Variants in TMTC2 observed in about 807,000 individuals in gnomAD.
TMTC2 encodes the protein protein O-mannosyl-transferase TMTC2.
In TMTC2, 43 loss-of-function variants were observed where a neutral mutation model predicts 82.4. That is an observed-to-expected ratio of 0.52 (90% CI 0.41 to 0.67). The LOEUF (loss-of-function observed/expected upper bound fraction) is 0.67. TMTC2 is among the 30% of genes least tolerant of loss of function. The pLI is 0.00. For missense variants in TMTC2, 919 were observed against 1,012.4 expected (o/e 0.91, Z 1.25); for synonymous variants, 408 against 381.9 (o/e 1.07, Z -0.80).
chr12:82,774,449 T>C (rs1387092331), intron 1 of TMTC2, among the ~76,000 whole-genome samples: 5 of 151,864 alleles, frequency 3.3e-5, no homozygotes, highest in Non-Finnish European at 7.4e-5. Context: ...GGTGAAACCC[T>C]GTATCTACCA....
intron 1 of TMTC2, among the ~76,000 whole-genome samples, chr12:82,729,944 A>C (rs1874688022): frequency 6.6e-6 from 1 of 152,168 alleles, no homozygotes; most frequent in South Asian, 2.1e-4. Flanking sequence ...TGCGCTGCTT[A>C]AAGAGCTGTA....
chr12:83,046,680 G>A (rs10506888), intron 9 of TMTC2, among the ~76,000 whole-genome samples: 9,043 of 152,100 alleles, frequency 0.059, 312 homozygotes, highest in East Asian at 0.082. Context: ...TGGGCTTAAC[G>A]GTAATTCTTC....
chr12:83,120,234 T>G (rs1884905707), intron 11 of TMTC2, among the ~76,000 whole-genome samples: 2 of 152,208 alleles, frequency 1.3e-5, no homozygotes, highest in Admixed American at 6.5e-5. Flanking sequence ...CTTGTATTTT[T>G]GTTTTATAGG....
At chr12:82,954,786 G>A (rs1232471914) in intron 4 of TMTC2, among the ~76,000 whole-genome samples, 7 of 152,166 alleles carry the variant, frequency 4.6e-5, no homozygotes, top group African/African-American at 1.7e-4. Context: ...TGTTTTGATA[G>A]TTCTATCTAG....
chr12:82,979,063 C>G (rs1297072877), intron 7 of TMTC2, among the ~76,000 whole-genome samples: 1 of 151,590 alleles, frequency 6.6e-6, no homozygotes, highest in African/African-American at 2.4e-5. Context: ...TATTTTCAGT[C>G]TATGTGTGTC....
chr12:82,902,590 G>C (rs1874076934), intron 3 of TMTC2, among the ~76,000 whole-genome samples: 1 of 152,154 alleles, frequency 6.6e-6, no homozygotes, highest in African/African-American at 2.4e-5. Flanking sequence ...CACCTTCAAA[G>C]TCTATGCTTA....
chr12:82,937,922 A>AAT (rs1441778013), intron 4 of TMTC2, among the ~76,000 whole-genome samples: 4 of 131,438 alleles, frequency 3.0e-5, no homozygotes, highest in African/African-American at 1.2e-4. Context: ...TTTTTTTTTT[A>AAT]TTTTTTTTTT....
At chr12:82,928,009 C>A (rs898047160) in intron 3 of TMTC2, among the ~76,000 whole-genome samples, 1 of 152,162 alleles carries the variant, frequency 6.6e-6, no homozygotes, top group Non-Finnish European at 1.5e-5. Flanking sequence ...CCCACAACAT[C>A]TCCAAGGTTT....
intron 11 of TMTC2, among the ~76,000 whole-genome samples, chr12:83,062,952 T>C (rs1882795328): frequency 1.3e-5 from 2 of 151,806 alleles, no homozygotes; most frequent in Admixed American, 6.6e-5. Context: ...TATCTTTTTC[T>C]TAAGCATCCT....
rs17552524 is a variant in TMTC2 at position 83,133,080 on chromosome 12, C to G, written c.*691C>G. ...AGTAGAGCTAACCATACTTCACACT[C>G]GAGTTGTATGAGGGACTGGGGAGGC... On this transcript the variant is annotated 3_prime_UTR_variant, in exon 12 of 12. Coordinates refer to ENST00000321196, the MANE Select transcript of TMTC2 (RefSeq NM_152588.3). 1 of 152,190 alleles carries G rather than the reference C, an allele frequency of 6.6e-6. No homozygotes were observed. Among genetic ancestry groups the G allele is most frequent in the African/African-American group, 2.4e-5 (1 of 41,526 alleles). The allele number at this position is 152,190 out of a possible 1,614,324, so 9.4% of individuals were successfully genotyped here. A position where few individuals can be genotyped will look rare whatever the true frequency, so the allele number is the denominator to read the frequency against.
chr12:83,113,725 G>A (rs1406911617), intron 11 of TMTC2, among the ~76,000 whole-genome samples: 1 of 152,184 alleles, frequency 6.6e-6, no homozygotes, highest in Admixed American at 6.5e-5. Flanking sequence ...TTCCAGGCAT[G>A]TATCAACGAA....
chr12:82,906,704 C>G (rs913051436), intron 3 of TMTC2, among the ~76,000 whole-genome samples: 4 of 152,024 alleles, frequency 2.6e-5, no homozygotes, highest in African/African-American at 9.7e-5. Flanking sequence ...AACAAACAAA[C>G]AAACAAAACA....
rs879926768 is a variant in TMTC2, at chr12:82,975,901, A to ATT, written c.1948+8904_1948+8905insTT. 1.4e-3 allele frequency among the ~76,000 whole-genome samples: 197 copies of ATT among 141,760 alleles called. 3 individuals are homozygous for ATT. The highest frequency in any genetic ancestry group is 0.012 in the East Asian group (56 of 4,766). 93.0% of individuals were successfully genotyped at this position (141,760 alleles called of 152,430 possible). A position where few individuals can be genotyped will look rare whatever the true frequency, so the allele number is the denominator to read the frequency against. Reference sequence around the variant, plus strand: ...TCTCTGGTATAAACTTTTTTTTAAAAAAAAAATAATGCTATTTAGCACTTC... The same window carrying ATT: ...TCTCTGGTATAAACTTTTTTTTAAAATTAAAAAATAATGCTATTTAGCACTTC... On this transcript the variant is annotated intron_variant, in intron 7 of 11. Coordinates refer to ENST00000321196, the MANE Select transcript of TMTC2 (RefSeq NM_152588.3).
intron 11 of TMTC2, among the ~76,000 whole-genome samples, chr12:83,102,317 G>T (rs1178504999): frequency 6.6e-6 from 1 of 152,154 alleles, no homozygotes; most frequent in African/African-American, 2.4e-5. Flanking sequence ...AAGTAGTAGT[G>T]CCTGTGCTCA....
At chr12:82,955,392 G>A (rs1168354955) in intron 4 of TMTC2, among the ~76,000 whole-genome samples, 2 of 152,170 alleles carry the variant, frequency 1.3e-5, no homozygotes, top group African/African-American at 2.4e-5. Context: ...GTTCAGCTCT[G>A]TCCAATCCAC....
chr12:82,749,766 C>G (rs1244742409), intron 1 of TMTC2, among the ~76,000 whole-genome samples: 1 of 123,454 alleles, frequency 8.1e-6, no homozygotes, highest in Non-Finnish European at 1.6e-5. Flanking sequence ...GAGGCGGAGT[C>G]TCGCTTTGTT....
chr12:82,742,216 C>G (rs1343691031), intron 1 of TMTC2, among the ~76,000 whole-genome samples: 1 of 152,086 alleles, frequency 6.6e-6, no homozygotes, highest in East Asian at 1.9e-4. Flanking sequence ...CCTTATGACC[C>G]AAATCCTTCA....
At chr12:82,917,332 AT>A (rs541416885) in intron 3 of TMTC2, among the ~76,000 whole-genome samples, 86 of 151,926 alleles carry the variant, frequency 5.7e-4, no homozygotes, top group Admixed American at 8.5e-4. Flanking sequence ...TTAAAATAAT[AT>A]TTATTTAAAT....
At chr12:82,710,464 A>G (rs1873570363) in intron 1 of TMTC2, among the ~76,000 whole-genome samples, 2 of 152,242 alleles carry the variant, frequency 1.3e-5, no homozygotes, top group Non-Finnish European at 2.9e-5. Flanking sequence ...TGCTGTAAAC[A>G]GGCATAGGGT....
Sources: allele counts gnomAD v4.1 joint callset (sites outside exome capture counted in the v4.1 genomes callset), GRCh38; gene constraint gnomAD v4.1.1; transcripts MANE v1.5; gene names NCBI Gene and HGNC (gene_info 2026-07-23, HGNC 2026-07-21).